Variants in SETD7 observed in about 807,000 individuals in gnomAD.
SETD7 encodes histone-lysine N-methyltransferase SETD7.
SETD7 carries 16 observed loss-of-function variants against 41.8 expected under a neutral mutation model. The observed-to-expected ratio is 0.38, with a 90% CI of 0.26 to 0.58. The LOEUF (loss-of-function observed/expected upper bound fraction) is 0.58, where lower values mean the gene tolerates loss of function less well. Among genes scored for constraint, SETD7 ranks in the 20% least tolerant of loss-of-function variants. SETD7 has a pLI of 0.64. For missense variants in SETD7, 346 were observed against 459.7 expected, an observed-to-expected ratio of 0.75 and a Z score of 2.26; for synonymous variants, 163 against 169.7, an observed-to-expected ratio of 0.96 and a Z score of 0.31.
At chr4:139,536,128 G>A (rs1389405915) in intron 2 of SETD7, among the ~76,000 whole-genome samples, 1 of 152,064 alleles carries the variant, frequency 6.6e-6, no homozygotes, top group Admixed American at 6.6e-5. Flanking sequence ...TGTGGCCCAC[G>A]GAGCCTCGAT....
intron 4 of SETD7, among the ~76,000 whole-genome samples, chr4:139,525,832 G>T (rs1727312529): frequency 6.6e-6 from 1 of 152,166 alleles, no homozygotes; most frequent in African/African-American, 2.4e-5. Flanking sequence ...TACAAACATG[G>T]CAGAACATTA....
chr4:139,497,884 C>T (rs2111106558), intron 7 of SETD7, among the ~76,000 whole-genome samples: 1 of 152,312 alleles, frequency 6.6e-6, no homozygotes, highest in African/African-American at 2.4e-5. Context: ...TGTGTTAAAT[C>T]ATCCTTTCCC....
Position 139,544,797 on chromosome 4 carries a change from A to AGTGTGTGT in SETD7, c.170+2115_170+2122dup, listed in dbSNP as rs10581648. On this transcript the variant is annotated intron_variant, in intron 2 of 7. Transcript: ENST00000274031. ...ATCATCATCAAACTACCAGATTTAA[A>AGTGTGTGT]GTGTGTGTGTGTGTGTGTGTGTGTG... Among the ~76,000 whole-genome samples, 779 of 144,916 alleles carry AGTGTGTGT rather than the reference A, an allele frequency of 5.4e-3. 4 individuals are homozygous for AGTGTGTGT. Among genetic ancestry groups the AGTGTGTGT allele is most frequent in the Middle Eastern group, 0.021 (6 of 288 alleles).
At chr4:139,504,690 T>TA (rs1726660457), downstream of SETD7, among the ~76,000 whole-genome samples, 1 of 152,186 alleles carries the variant, frequency 6.6e-6, no homozygotes, top group Admixed American at 6.5e-5. Flanking sequence ...TCCAAACATT[T>TA]AAACCCAAAG....
At chr4:139,501,724 C>A (rs17346134), downstream of SETD7, among the ~76,000 whole-genome samples, 1 of 152,142 alleles carries the variant, frequency 6.6e-6, no homozygotes, top group Non-Finnish European at 1.5e-5. Flanking sequence ...TAGTGATCCC[C>A]GCAAAGCCTG....
downstream of SETD7, among the ~76,000 whole-genome samples, chr4:139,503,098 A>AG (rs1726618102): frequency 2.0e-5 from 3 of 149,718 alleles, no homozygotes; most frequent in Non-Finnish European, 3.0e-5. Context: ...GAATTGCTTG[A>AG]ACCTGGGAGG....
At chr4:139,521,271 C>CA (rs11373407) in intron 5 of SETD7, among the ~76,000 whole-genome samples, 5,700 of 151,884 alleles carry the variant, frequency 0.038, 175 homozygotes, top group African/African-American at 0.077. Context: ...ACTAAAAATA[C>CA]AAAAAATAGC....
At chr4:139,499,342 T>C (rs1052609924) in intron 7 of SETD7, among the ~76,000 whole-genome samples, 1 of 152,336 alleles carries the variant, frequency 6.6e-6, no homozygotes, top group Non-Finnish European at 1.5e-5. Flanking sequence ...GGCTTGAACT[T>C]TGCTAAAGCA....
intron 4 of SETD7, among the ~76,000 whole-genome samples, chr4:139,527,175 G>A (rs1183425347): frequency 2.0e-5 from 3 of 152,170 alleles, no homozygotes; most frequent in African/African-American, 7.2e-5. Context: ...TGTTACTATA[G>A]GGAATACCAT....
intron 1 of SETD7, among the ~76,000 whole-genome samples, chr4:139,548,458 C>T (rs1173612678): frequency 6.6e-6 from 1 of 152,044 alleles, no homozygotes; most frequent in Non-Finnish European, 1.5e-5. Flanking sequence ...CAGTGAAACC[C>T]CGTCTTTACT....
At chr4:139,515,254 A>G (rs1726995639) in intron 7 of SETD7, among the ~76,000 whole-genome samples, 1 of 151,688 alleles carries the variant, frequency 6.6e-6, no homozygotes, top group Non-Finnish European at 1.5e-5. Flanking sequence ...TCTGAATTTC[A>G]TATTTGGTTA....
intron 4 of SETD7, among the ~76,000 whole-genome samples, chr4:139,526,738 T>C (rs1727339499): frequency 6.6e-6 from 1 of 152,152 alleles, no homozygotes; most frequent in Non-Finnish European, 1.5e-5. Flanking sequence ...TAGAGCTAGG[T>C]CTCAAATTAG....
chr4:139,550,414 T>C (rs1158666845), intron 1 of SETD7, among the ~76,000 whole-genome samples: 1 of 152,186 alleles, frequency 6.6e-6, no homozygotes, highest in Non-Finnish European at 1.5e-5. Flanking sequence ...GCTTGTTTTG[T>C]TTTCTTTACA....
At chr4:139,498,023 A>G (rs1726498726) in intron 7 of SETD7, among the ~76,000 whole-genome samples, 1 of 152,194 alleles carries the variant, frequency 6.6e-6, no homozygotes, top group South Asian at 2.1e-4. Flanking sequence ...AAAGTGCAGG[A>G]GATTTACGGT....
chr4:139,500,144 G>A (rs147432106), intron 7 of SETD7, among the ~76,000 whole-genome samples: 8 of 152,216 alleles, frequency 5.3e-5, no homozygotes, highest in Admixed American at 2.0e-4. Flanking sequence ...TTTTGAGAGC[G>A]GCATTTGTCT....
At chr4:139,495,410 C>T (rs1409107782), downstream of SETD7, among the ~76,000 whole-genome samples, 1 of 152,150 alleles carries the variant, frequency 6.6e-6, no homozygotes, top group Non-Finnish European at 1.5e-5. Flanking sequence ...AGTCCATTTC[C>T]ACACTGCCTT....
In SETD7 at chr4:139,511,439, G is replaced by A. The variant is rs959693825; in HGVS notation, c.*224C>T. ...TCACGCTGTCTTATGTCAAATGCTCGACAATACCTCTCAGTAGGACGTTGT... is the reference window on the plus strand; with the variant it reads ...TCACGCTGTCTTATGTCAAATGCTCAACAATACCTCTCAGTAGGACGTTGT... On this transcript the variant is annotated 3_prime_UTR_variant, in exon 8 of 8. Transcript: ENST00000274031. 9.2e-6 allele frequency: 6 copies of A among 650,692 alleles called. No homozygotes were observed. The highest frequency in any genetic ancestry group is 3.6e-5 in the Admixed American group (1 of 27,400). 40.3% of individuals were successfully genotyped at this position (650,692 alleles called of 1,614,324 possible). A position where few individuals can be genotyped will look rare whatever the true frequency, so the allele number is the denominator to read the frequency against.
intron 7 of SETD7, among the ~76,000 whole-genome samples, chr4:139,517,522 A>C (rs1727060601): frequency 6.6e-6 from 1 of 150,662 alleles, no homozygotes. Flanking sequence ...CATCTTCTCC[A>C]CTGTGCAGAG....
At position 139,555,119 on chromosome 4, in the gene SETD7, T is replaced by G. The variant is rs1455656794; in HGVS notation, c.40+979A>C. On this transcript the variant is annotated intron_variant, in intron 1 of 7. Coordinates refer to ENST00000274031, the MANE Select transcript of SETD7 (RefSeq NM_030648.4). This position sits in a 1 kb window ranked among gnomAD's most constrained non-coding sequence, Gnocchi z 4.0. ...TCCAGTATTCGCTGTTACAAAATCA[T>G]AACATCCTATGATACAAACAACGAG... is the stretch of plus-strand genomic sequence containing the variant. Among the ~76,000 whole-genome samples, 4 of 143,024 alleles carry G rather than the reference T, an allele frequency of 2.8e-5. No homozygotes were observed. In the Admixed American group the frequency reaches 2.9e-4, roughly 10 times the overall value. The allele number at this position is 143,024 out of a possible 152,430, so 93.8% of individuals were successfully genotyped here.
Sources: gnomAD v4.1 joint callset for allele counts (sites outside exome capture counted in the v4.1 genomes callset) on GRCh38, gnomAD v4.1.1 for gene constraint, Gnocchi (gnomAD v3.1) non-coding constraint, MANE v1.5 for transcripts, NCBI Gene and HGNC (gene_info 2026-07-23, HGNC 2026-07-21) for gene names.